TAF1B: variants seen among roughly 807,000 people sequenced by gnomAD.
TAF1B encodes the protein TATA box-binding protein-associated factor RNA polymerase I subunit B.
In TAF1B, 61 loss-of-function variants were observed where a neutral mutation model predicts 83.9. That is an observed-to-expected ratio of 0.73 (90% CI 0.59 to 0.90). The LOEUF is 0.90. Ranked by LOEUF, TAF1B falls within the 40% of genes least tolerant of loss-of-function variation. TAF1B has a pLI of 0.00. For synonymous variants in TAF1B, 221 were observed against 224.6 expected, an observed-to-expected ratio of 0.98 and a Z score of 0.14; for missense variants, 625 against 677.0, an observed-to-expected ratio of 0.92 and a Z score of 0.85.
At chr2:9,877,467 A>G (rs1242271868) in intron 7 of TAF1B, among the ~76,000 whole-genome samples, 2 of 152,168 alleles carry the variant, frequency 1.3e-5, no homozygotes, top group African/African-American at 4.8e-5. Flanking sequence ...CCACTCAGTT[A>G]TATGTCCAAA....
intron 6 of TAF1B, among the ~76,000 whole-genome samples, chr2:9,874,331 A>G (rs757875975): frequency 5.3e-5 from 8 of 152,176 alleles, no homozygotes; most frequent in African/African-American, 1.2e-4. Context: ...CACCTTCTCA[A>G]TGAGGTTTCT....
chr2:9,854,486 G>C, intron 5 of TAF1B, 65 bp downstream of exon 5: 1 of 1,192,498 alleles, frequency 8.4e-7, no homozygotes, highest in South Asian at 1.2e-5. Context: ...GATGAAGATG[G>C]GTTCATGACC....
At chr2:9,908,589 A>C (rs756305379) in intron 9 of TAF1B, among the ~76,000 whole-genome samples, 1 of 152,202 alleles carries the variant, frequency 6.6e-6, no homozygotes, top group Non-Finnish European at 1.5e-5. Context: ...CCATTATATT[A>C]ATGCACAGTA....
At chr2:9,891,149 C>T (rs537252943) in intron 8 of TAF1B, among the ~76,000 whole-genome samples, 13 of 152,188 alleles carry the variant, frequency 8.5e-5, no homozygotes, top group African/African-American at 1.4e-4. Context: ...ACATATACAA[C>T]GGTGGTCTAA....
chr2:9,875,030 C>T (rs150558228), intron 6 of TAF1B, among the ~76,000 whole-genome samples: 1,625 of 151,608 alleles, frequency 0.011, 43 homozygotes, highest in Middle Eastern at 0.017. Flanking sequence ...TGCAATGGCA[C>T]GATCTCGGCT....
At chr2:9,908,036 T>A (rs1665402940) in intron 9 of TAF1B, among the ~76,000 whole-genome samples, 2 of 28,814 alleles carry the variant, frequency 6.9e-5, no homozygotes, top group Non-Finnish European at 2.7e-4. Flanking sequence ...TTCTTTTTTT[T>A]TTTTTTTTTT....
chr2:9,927,814 A>T (rs1666088765), intron 14 of TAF1B, among the ~76,000 whole-genome samples: 1 of 151,282 alleles, frequency 6.6e-6, no homozygotes, highest in Non-Finnish European at 1.5e-5. Context: ...CCATTCTGTA[A>T]GTTGTTCACT....
intron 8 of TAF1B, among the ~76,000 whole-genome samples, chr2:9,888,905 G>A (rs1448065550): frequency 6.8e-6 from 1 of 147,968 alleles, no homozygotes; most frequent in East Asian, 2.1e-4. Flanking sequence ...CTGGGTTCAA[G>A]CGATTCTCTT....
chr2:9,887,710 T>G (rs1664723596), intron 8 of TAF1B, among the ~76,000 whole-genome samples: 1 of 152,200 alleles, frequency 6.6e-6, no homozygotes, highest in South Asian at 2.1e-4. Flanking sequence ...TTCGTGTGTT[T>G]AAGCCATTTA....
At chr2:9,908,734 A>G (rs1331653595) in intron 9 of TAF1B, among the ~76,000 whole-genome samples, 2 of 152,228 alleles carry the variant, frequency 1.3e-5, no homozygotes, top group Non-Finnish European at 2.9e-5. Context: ...TCTTAATAGT[A>G]TAATAGTCCA....
intron 6 of TAF1B, among the ~76,000 whole-genome samples, chr2:9,872,605 A>G (rs956809519): frequency 2.4e-4 from 37 of 152,088 alleles, no homozygotes; most frequent in African/African-American, 8.7e-4. Flanking sequence ...TTTTCATGTT[A>G]TTTGTCCTCA....
intron 5 of TAF1B, among the ~76,000 whole-genome samples, 167 bp downstream of exon 5, chr2:9,854,588 C>T (rs2303916): frequency 0.061 from 9,208 of 152,198 alleles, 346 homozygotes; most frequent in East Asian, 0.17. Flanking sequence ...CTGATTTAAA[C>T]GTTGGAATAA....
chr2:9,864,788 C>A (rs1230677463), intron 5 of TAF1B, among the ~76,000 whole-genome samples: 1 of 151,866 alleles, frequency 6.6e-6, no homozygotes, highest in Non-Finnish European at 1.5e-5. Flanking sequence ...GTTCAACATA[C>A]AAAAATCAAT....
intron 14 of TAF1B, among the ~76,000 whole-genome samples, chr2:9,921,303 G>A (rs1665872220): frequency 6.6e-6 from 1 of 152,086 alleles, no homozygotes; most frequent in South Asian, 2.1e-4. Flanking sequence ...TGCTGCCCAG[G>A]TTGGTCTCAA....
chr2:9,880,889 C>G (rs901414005), intron 7 of TAF1B, among the ~76,000 whole-genome samples: 1 of 152,070 alleles, frequency 6.6e-6, no homozygotes, highest in Non-Finnish European at 1.5e-5. Context: ...TATAATTTCA[C>G]AATAATACAA....
intron 14 of TAF1B, among the ~76,000 whole-genome samples, chr2:9,927,618 C>G (rs1375055247): frequency 6.6e-6 from 1 of 152,170 alleles, no homozygotes; most frequent in Admixed American, 6.5e-5. Flanking sequence ...TCTCTGATGG[C>G]CAGTGATGAT....
At position 9,878,139 on chromosome 2, in the gene TAF1B, C is replaced by T. The variant is rs1027890124; in HGVS notation, c.707+2121C>T. Among the ~76,000 whole-genome samples the T allele has an allele frequency of 5.9e-5, 9 of 152,060 alleles. No individual in the cohort carries two copies. The South Asian group carries it at 1.2e-3, about 21-fold the overall frequency. On this transcript the variant is annotated intron_variant, in intron 7 of 14. Transcript: ENST00000263663. ...CGAAATGTGAATTCTTAGACCTATCCTACACCTTCTGAATCAGAAACCCTG... is the reference window on the plus strand; with the variant it reads ...CGAAATGTGAATTCTTAGACCTATCTTACACCTTCTGAATCAGAAACCCTG...
At chr2:9,891,576 A>G (rs975010334) in intron 8 of TAF1B, among the ~76,000 whole-genome samples, 1 of 152,122 alleles carries the variant, frequency 6.6e-6, no homozygotes, top group Non-Finnish European at 1.5e-5. Context: ...TACTTCTTCT[A>G]CTTATTAAAA....
At chr2:9,913,128 G>T (rs1456422762) in intron 11 of TAF1B, 31 bp from the exon 12 acceptor site, 4 of 1,536,074 alleles carry the variant, frequency 2.6e-6, no homozygotes, top group African/African-American at 1.4e-5. Context: ...TGGTTTATTT[G>T]GTTAATAATC....
Sources: gnomAD v4.1 joint callset for allele counts (sites outside exome capture counted in the v4.1 genomes callset) on GRCh38, gnomAD v4.1.1 for gene constraint, MANE v1.5 for transcripts, NCBI Gene and HGNC (gene_info 2026-07-23, HGNC 2026-07-21) for gene names.